SEZ6: variants seen among roughly 807,000 people sequenced by gnomAD.
SEZ6 encodes the protein seizure protein 6 homolog.
In SEZ6, 53 loss-of-function variants were observed where a neutral mutation model predicts 101.0. The observed-to-expected ratio is 0.52, with a 90% CI of 0.42 to 0.66. SEZ6 has a LOEUF of 0.66. Among genes scored for constraint, SEZ6 ranks in the 30% least tolerant of loss-of-function variants. SEZ6 has a pLI of 0.00. For missense variants in SEZ6, 1,102 were observed against 1,289.4 expected (o/e 0.85, Z 2.23); for synonymous variants, 488 against 512.2 (o/e 0.95, Z 0.64).
At chr17:28,976,191 A>G (rs950358004) in intron 3 of SEZ6, among the ~76,000 whole-genome samples, 13 of 152,204 alleles carry the variant, frequency 8.5e-5, no homozygotes, top group Non-Finnish European at 1.9e-4. Context: ...AGCACCATCA[A>G]AGGAGGTGGG....
At position 28,981,465 on chromosome 17, in the gene SEZ6, C is replaced by T. The variant is rs373578530; in HGVS notation, c.630G>A (p.Gly210=). The change falls in exon 2 of 17, where the codon GGG becomes GGA. Residue 210 remains glycine, a synonymous_variant. Transcript: ENST00000317338. ...CTGAAGCTGTGGAGGAGGTGATGGTCCCCTGGATCCCGATCCCTGCGCCCT... is the reference window on the plus strand; with the variant it reads ...CTGAAGCTGTGGAGGAGGTGATGGTTCCCTGGATCCCGATCCCTGCGCCCT... ...VSQGAGIGIQ[G]TITSSTASGD... 11 of 1,572,320 alleles carry T rather than the reference C, an allele frequency of 7.0e-6. No individual in the cohort carries two copies. The African/African-American group carries it at 1.2e-4, about 17-fold the overall frequency.
chr17:28,979,576 T>C (rs990551666), intron 3 of SEZ6, 104 bp downstream of exon 3: 3 of 1,524,462 alleles, frequency 2.0e-6, no homozygotes, highest in South Asian at 1.2e-5. Context: ...TGCCCCACAA[T>C]TGATGCCCCT....
chr17:28,960,963 G>A lies in SEZ6; in HGVS notation c.1251C>T (p.Gly417=), dbSNP rs770539524. 2.1e-5 allele frequency: 34 copies of A among 1,612,990 alleles called. No individual in the cohort carries two copies. Among genetic ancestry groups the A allele is most frequent in the Non-Finnish European group, 2.2e-5 (26 of 1,179,662 alleles). ...CGGTGGTGGCATTGCGGATCACTCC[G>A]CCGCAAGCAGCTGTTAAGACCAGGA... ...SKEPVCIAAC[G]GVIRNATTGR... is the part of the protein sequence containing the mutation. The change falls in exon 6 of 17, where the codon GGC becomes GGT. Residue 417 remains glycine, a synonymous_variant. Transcript: ENST00000317338.
intron 1 of SEZ6, among the ~76,000 whole-genome samples, chr17:29,003,989 A>G (rs2041651232): frequency 6.6e-6 from 1 of 152,128 alleles, no homozygotes; most frequent in African/African-American, 2.4e-5. Flanking sequence ...ACTCCTGGCC[A>G]CACCAGCCTT....
At chr17:28,998,339 G>A (rs1039691958) in intron 1 of SEZ6, among the ~76,000 whole-genome samples, 1 of 151,954 alleles carries the variant, frequency 6.6e-6, no homozygotes, top group African/African-American at 2.4e-5. Flanking sequence ...AGAAGAGCCT[G>A]TTGAGAGGGG....
Position 28,981,860 on chromosome 17 carries a change from C to T in SEZ6, c.235G>A (p.Glu79Lys), listed in dbSNP as rs200306950. Residue 79 changes from glutamate (E) to lysine (K), a missense_variant, in exon 2 of 17, where the codon GAG becomes AAG. Glu to Lys is a moderately conservative substitution (Grantham distance 56). This residue lies in a region of SEZ6 where 406 missense variants were observed against 418.6 expected (regional missense o/e 0.97). Transcript: ENST00000317338. ...TCCTCATCTCCCTTTTCCAGCCCCT[C>T]TTGTAGGAATTCCTCAAGCAGCGGG... is the stretch of plus-strand genomic sequence containing the variant. ...HHPLLEEFLQ[E>K]GLEKGDEELR... is the part of the protein sequence containing the mutation. The T allele has an allele frequency of 1.2e-6, 2 of 1,613,900 alleles. No individual in the cohort carries two copies. The highest frequency in any genetic ancestry group is 2.2e-5 in the East Asian group (1 of 44,870).
chr17:28,979,952 G>A (rs1285920125), intron 2 of SEZ6, 139 bp from the exon 3 acceptor site: 7 of 964,918 alleles, frequency 7.3e-6, no homozygotes, highest in Non-Finnish European at 1.0e-5. Context: ...GTGATGTCTA[G>A]TCTCCTGTTG....
Position 28,956,824 on chromosome 17 carries a change from G to A in SEZ6, c.2693-67C>T, listed in dbSNP as rs981352187. On this transcript the variant is annotated intron_variant, in intron 13 of 16. Coordinates refer to ENST00000317338, the MANE Select transcript of SEZ6 (RefSeq NM_178860.5). ...ATGGGCCAAACCACTAAGGCAGGGA[G>A]AGGAGGTAGTGGGATGATCATGGGA... is the stretch of plus-strand genomic sequence containing the variant. 12 of 1,521,888 alleles carry A rather than the reference G, an allele frequency of 7.9e-6. No individual in the cohort carries two copies. In the African/African-American group the frequency reaches 1.5e-4, roughly 19 times the overall value. The allele number at this position is 1,521,888 out of a possible 1,614,324, so 94.3% of individuals were successfully genotyped here.
intron 1 of SEZ6, among the ~76,000 whole-genome samples, chr17:28,997,520 GGACA>G (rs2032653610): frequency 6.6e-6 from 1 of 152,166 alleles, no homozygotes; most frequent in African/African-American, 2.4e-5. Flanking sequence ...TCACCTTCTT[GGACA>G]GACCCAAACC....
Position 28,957,937 on chromosome 17 carries a change from G to A in SEZ6, c.2302+10C>T. 6.2e-7 allele frequency: 1 copy of A among 1,610,452 alleles called. No homozygotes were observed. The highest frequency in any genetic ancestry group is 8.5e-7 in the Non-Finnish European group (1 of 1,177,060). On this transcript the variant is annotated intron_variant, in intron 11 of 16. Coordinates refer to ENST00000317338, the MANE Select transcript of SEZ6 (RefSeq NM_178860.5). The stretch of plus-strand genomic sequence containing the variant: ...TTGGGAAGGGGAGCGTGGGGAACAG[G>A]TATACTCACCCCTCTGGCATGAGGG...
chr17:28,992,297 T>A (rs1174428924), intron 1 of SEZ6, among the ~76,000 whole-genome samples: 2 of 152,216 alleles, frequency 1.3e-5, no homozygotes, highest in Non-Finnish European at 2.9e-5. Context: ...GTCTGCCTGT[T>A]CCATAGCCTG....
At chr17:28,966,069 G>A (rs1598185753) in intron 4 of SEZ6, among the ~76,000 whole-genome samples, 1 of 151,660 alleles carries the variant, frequency 6.6e-6, no homozygotes, top group Admixed American at 6.6e-5. Context: ...CTTGGACCGG[G>A]GAGATGGAGG....
chr17:28,967,429 C>T (rs770436346), intron 4 of SEZ6, among the ~76,000 whole-genome samples: 6 of 152,190 alleles, frequency 3.9e-5, no homozygotes, highest in Non-Finnish European at 5.9e-5. Flanking sequence ...CACCACCCCA[C>T]CTGCTTCCTC....
At chr17:28,990,877 A>G (rs1255721087) in intron 1 of SEZ6, among the ~76,000 whole-genome samples, 3 of 152,150 alleles carry the variant, frequency 2.0e-5, no homozygotes, top group Non-Finnish European at 1.5e-5. Flanking sequence ...TTGAGTAGTA[A>G]TAAAACTCTG....
At chr17:28,976,520 G>A (rs1278178140) in intron 3 of SEZ6, among the ~76,000 whole-genome samples, 2 of 152,144 alleles carry the variant, frequency 1.3e-5, no homozygotes, top group Admixed American at 6.5e-5. Flanking sequence ...AGGGGCAGGT[G>A]GGGAATTCTC....
At position 28,956,008 on chromosome 17, in the gene SEZ6, G is replaced by A; in HGVS notation, c.2953-14C>T. On this transcript the variant is annotated splice_polypyrimidine_tract_variant and intron_variant, in intron 16 of 16. Transcript: ENST00000317338. Reference sequence around the variant, plus strand: ...AAAGGAAAGAGACTGCTGGGAGTTGGAAACTTGTATTAGGTTTGCCAGGCC... The same window carrying A: ...AAAGGAAAGAGACTGCTGGGAGTTGAAAACTTGTATTAGGTTTGCCAGGCC... The A allele has an allele frequency of 1.2e-6, 2 of 1,612,446 alleles. No homozygotes were observed. Among genetic ancestry groups the A allele is most frequent in the Non-Finnish European group, 8.5e-7 (1 of 1,179,284 alleles).
intron 5 of SEZ6, 34 bp from the exon 6 acceptor site, chr17:28,961,007 CCTGCCTGA>C: frequency 6.3e-7 from 1 of 1,586,754 alleles, no homozygotes; most frequent in Non-Finnish European, 8.6e-7. Context: ...AGGCTAGGCC[CCTGCCTGA>C]ACCCAGGCAG....
In SEZ6 at chr17:28,960,371, A is replaced by G. The variant is rs557743493; in HGVS notation, c.1576+134T>C. ...AGGGGCAGGGAAAGGGGGCCTAAGT[A>G]CTGAGTGAGCAGGGGCTGACTTGGA... is the stretch of plus-strand genomic sequence containing the variant. On this transcript the variant is annotated intron_variant, in intron 7 of 16. Transcript: ENST00000317338. 253 of 1,201,048 alleles carry G rather than the reference A, an allele frequency of 2.1e-4. 3 individuals are homozygous for G. In the Admixed American group the frequency reaches 4.8e-3, roughly 23 times the overall value. 74.4% of individuals were successfully genotyped at this position (1,201,048 alleles called of 1,614,324 possible).
At position 28,959,910 on chromosome 17, in the gene SEZ6, C is replaced by T. The variant is rs756026918; in HGVS notation, c.1577-18G>A. On this transcript the variant is annotated intron_variant, in intron 7 of 16. Transcript: ENST00000317338. The surrounding 1 kb of genome is among the most constrained non-coding windows in gnomAD (Gnocchi z 4.4). ...CTGGAAGGCTGTAAACCACAGGTCC[C>T]AGCCCAGCTCAGCCTTGACTGGTAT... 1 of 1,587,200 alleles carries T rather than the reference C, an allele frequency of 6.3e-7. No individual in the cohort carries two copies. The highest frequency in any genetic ancestry group is 1.3e-5 in the African/African-American group (1 of 74,348).
Sources: allele counts gnomAD v4.1 joint callset (sites outside exome capture counted in the v4.1 genomes callset), GRCh38; gene constraint gnomAD v4.1.1; regional missense constraint gnomAD v4.1.1; non-coding constraint Gnocchi (gnomAD v3.1); transcripts MANE v1.5; gene names NCBI Gene and HGNC (gene_info 2026-07-23, HGNC 2026-07-21).